Variants in VCF1 observed in about 807,000 individuals in gnomAD.
VCF1 encodes protein VCF1.
At chr17:73,215,352 A>G in the VCF1 span, among the ~76,000 whole-genome samples, 1 of 152,168 alleles carries the variant, frequency 6.6e-6, no homozygotes, top group Non-Finnish European at 1.5e-5. Flanking sequence ...GCATGATTAC[A>G]ACTCACTGAA....
At chr17:73,224,990 C>CACAGGACAGGACAGG in the VCF1 span, among the ~76,000 whole-genome samples, 1 of 92,244 alleles carries the variant, frequency 1.1e-5, no homozygotes, top group African/African-American at 3.7e-5. Flanking sequence ...CACAGCACAG[C>CACAGGACAGGACAGG]ACAGGACAGG....
chr17:73,208,302 A>G, the VCF1 span: 27 of 1,613,048 alleles, frequency 1.7e-5, no homozygotes, highest in Non-Finnish European at 1.7e-5. Flanking sequence ...TTTTCTCTAC[A>G]TCCAATGGCA....
chr17:73,207,597 C>A, the VCF1 span: 1 of 908,918 alleles, frequency 1.1e-6, no homozygotes, highest in Non-Finnish European at 1.6e-6. Flanking sequence ...CTGTTTTGTT[C>A]TGGTGATGAT....
At chr17:73,223,458 A>G in the VCF1 span, among the ~76,000 whole-genome samples, 1 of 152,240 alleles carries the variant, frequency 6.6e-6, no homozygotes, top group Non-Finnish European at 1.5e-5. Context: ...AGTATCTAGG[A>G]AAGAAGAGGC....
chr17:73,230,969 A>T, the VCF1 span, among the ~76,000 whole-genome samples: 2 of 152,164 alleles, frequency 1.3e-5, no homozygotes, highest in Non-Finnish European at 2.9e-5. Flanking sequence ...TGGGTTTGGG[A>T]AAGAATAATA....
At chr17:73,227,745 A>T in the VCF1 span, 1 of 741,060 alleles carries the variant, frequency 1.3e-6, no homozygotes, top group Non-Finnish European at 1.6e-6. Flanking sequence ...TCACCTGCTT[A>T]TTCTGGCAAC....
chr17:73,222,876 G>GAT, the VCF1 span, among the ~76,000 whole-genome samples: 307 of 152,132 alleles, frequency 2.0e-3, 1 homozygote, highest in Non-Finnish European at 3.4e-3. Flanking sequence ...TCTTCTGGGA[G>GAT]AGCACACACC....
At chr17:73,223,347 TGGG>T in the VCF1 span, among the ~76,000 whole-genome samples, 1 of 151,924 alleles carries the variant, frequency 6.6e-6, no homozygotes, top group African/African-American at 2.4e-5. Flanking sequence ...AAAAATAAAA[TGGG>T]GGAAAGAAGC....
chr17:73,210,757 A>ATTTT, the VCF1 span, among the ~76,000 whole-genome samples: 1 of 135,122 alleles, frequency 7.4e-6, no homozygotes, highest in African/African-American at 2.8e-5. Flanking sequence ...ATGCCTCGTT[A>ATTTT]TTTTTTTTTT....
At chr17:73,209,809 TTTTG>T in the VCF1 span, 12 of 1,535,716 alleles carry the variant, frequency 7.8e-6, no homozygotes, top group Non-Finnish European at 2.6e-6. Flanking sequence ...AATAAGGCTG[TTTTG>T]TTTAAGAGCT....
chr17:73,207,963 A>G, the VCF1 span: 4 of 1,236,580 alleles, frequency 3.2e-6, no homozygotes, highest in Non-Finnish European at 4.1e-6. Context: ...TGCAAAAACC[A>G]TCCAGTCCCT....
At chr17:73,227,153 C>A in the VCF1 span, 1 of 1,548,110 alleles carries the variant, frequency 6.5e-7, no homozygotes, top group South Asian at 1.2e-5. Context: ...ACTATGTGAC[C>A]ACACTTCCTA....
chr17:73,225,829 A>G, the VCF1 span, among the ~76,000 whole-genome samples: 3 of 148,086 alleles, frequency 2.0e-5, no homozygotes, highest in Non-Finnish European at 4.5e-5. Context: ...TCTGATAATC[A>G]TTTTTTAAAA....
chr17:73,216,430 G>C, the VCF1 span, among the ~76,000 whole-genome samples: 1 of 152,172 alleles, frequency 6.6e-6, no homozygotes, highest in Non-Finnish European at 1.5e-5. Context: ...AGGGAGGGAA[G>C]GCCGATGAGA....
At chr17:73,220,484 A>T in the VCF1 span, among the ~76,000 whole-genome samples, 21 of 146,838 alleles carry the variant, frequency 1.4e-4, no homozygotes, top group African/African-American at 5.5e-4. Context: ...TCGCTCTGTC[A>T]CCCAGGCTGG....
the VCF1 span, among the ~76,000 whole-genome samples, chr17:73,220,475 C>T: frequency 6.6e-6 from 1 of 152,060 alleles, no homozygotes; most frequent in Non-Finnish European, 1.5e-5. Flanking sequence ...GATGGAGACT[C>T]GCTCTGTCAC....
the VCF1 span, among the ~76,000 whole-genome samples, chr17:73,226,323 C>G: frequency 2.0e-5 from 3 of 152,224 alleles, no homozygotes; most frequent in African/African-American, 7.2e-5. Flanking sequence ...CCTGATTTTT[C>G]CCCCTTGGGG....
chr17:73,232,067 G>C, the VCF1 span: 4 of 1,583,734 alleles, frequency 2.5e-6, no homozygotes, highest in South Asian at 1.1e-5. Context: ...GAATGGAAAG[G>C]GGGTCCCTTC....
chr17:73,232,121 A>T, the VCF1 span: 1 of 1,609,902 alleles, frequency 6.2e-7, no homozygotes, highest in Non-Finnish European at 8.5e-7. Flanking sequence ...CAGCTGGCGG[A>T]TGGAAGCTAC....
Sources: allele counts gnomAD v4.1 joint callset (sites outside exome capture counted in the v4.1 genomes callset), GRCh38; gene constraint gnomAD v4.1.1; transcripts MANE v1.5; gene names NCBI Gene and HGNC (gene_info 2026-07-23, HGNC 2026-07-21).